TBCK: variants seen among roughly 807,000 people sequenced by gnomAD.
TBCK encodes TBC1 domain containing kinase.
Under a neutral mutation model 113.4 loss-of-function variants are expected in TBCK, and 99 were observed. The ratio of observed to expected loss-of-function variants is 0.87; its 90% CI spans 0.74 to 1.03. The LOEUF is 1.03. Among genes scored for constraint, TBCK ranks in the 50% least tolerant of loss-of-function variants. The pLI is 0.00. For missense variants in TBCK, 1,045 were observed against 1,061.3 expected, an observed-to-expected ratio of 0.98 and a Z score of 0.21; for synonymous variants, 369 against 370.8, an observed-to-expected ratio of 1.00 and a Z score of 0.05.
At chr4:106,233,454 G>A in intron 16 of TBCK, 134 bp downstream of exon 16, 1 of 692,700 alleles carries the variant, frequency 1.4e-6, no homozygotes. Flanking sequence ...TAAGAGTTAT[G>A]GTTTCTCTAA....
intron 25 of TBCK, among the ~76,000 whole-genome samples, chr4:106,088,968 G>T (rs1165276074): frequency 6.6e-6 from 1 of 152,010 alleles, no homozygotes; most frequent in Non-Finnish European, 1.5e-5. Flanking sequence ...GGACAGGTCA[G>T]TAGGTCCAGC....
chr4:106,061,438 C>CTT (rs34326247), intron 25 of TBCK, among the ~76,000 whole-genome samples: 16,758 of 141,998 alleles, frequency 0.12, 1,138 homozygotes, highest in Middle Eastern at 0.29. Context: ...TGTTAGCATA[C>CTT]TTTTTTTTTT....
intron 24 of TBCK, among the ~76,000 whole-genome samples, chr4:106,115,955 A>C (rs1331459136): frequency 2.0e-5 from 3 of 152,226 alleles, no homozygotes; most frequent in Admixed American, 1.3e-4. Context: ...CACCAGAGAA[A>C]CACAAAAAAC....
chr4:106,076,164 G>A (rs1738168958), intron 25 of TBCK, among the ~76,000 whole-genome samples: 1 of 152,192 alleles, frequency 6.6e-6, no homozygotes, highest in Non-Finnish European at 1.5e-5. Flanking sequence ...CAGGTGCTGT[G>A]GGTAGGAAGT....
chr4:106,067,385 T>C (rs1303939423), intron 25 of TBCK, among the ~76,000 whole-genome samples: 7 of 152,160 alleles, frequency 4.6e-5, no homozygotes, highest in African/African-American at 1.4e-4. Flanking sequence ...TTTTTGCATA[T>C]TGATTTTGTA....
chr4:106,211,910 T>C (rs1252643398), intron 20 of TBCK, among the ~76,000 whole-genome samples: 1 of 152,144 alleles, frequency 6.6e-6, no homozygotes, highest in African/African-American at 2.4e-5. Flanking sequence ...TGATATGTAA[T>C]GTGAACATTT....
intron 3 of TBCK, among the ~76,000 whole-genome samples, chr4:106,276,081 G>C (rs1016844355): frequency 1.3e-5 from 2 of 152,166 alleles, no homozygotes; most frequent in Admixed American, 6.5e-5. Flanking sequence ...ATAGAGCAAT[G>C]AAATAATACA....
At chr4:106,204,128 T>C (rs1010697722) in intron 20 of TBCK, among the ~76,000 whole-genome samples, 2 of 152,196 alleles carry the variant, frequency 1.3e-5, no homozygotes, top group East Asian at 1.9e-4. Context: ...TTAACAATTA[T>C]AGTGTGCCTG....
intron 20 of TBCK, among the ~76,000 whole-genome samples, chr4:106,203,179 A>G (rs1349653754): frequency 1.3e-5 from 2 of 151,896 alleles, no homozygotes; most frequent in Admixed American, 6.6e-5. Context: ...TATGAGAGAC[A>G]TATTTGAAAT....
At chr4:106,050,291 C>T (rs1175093219) in intron 25 of TBCK, among the ~76,000 whole-genome samples, 8 of 151,318 alleles carry the variant, frequency 5.3e-5, no homozygotes, top group African/African-American at 1.5e-4. Flanking sequence ...AAATAACAAC[C>T]AGAAAAAAAA....
chr4:106,104,997 C>T (rs973414200), intron 24 of TBCK, among the ~76,000 whole-genome samples: 7 of 152,232 alleles, frequency 4.6e-5, no homozygotes, highest in Non-Finnish European at 8.8e-5. Context: ...GCCACCCCAA[C>T]CAGAGCTATC....
chr4:106,313,636 A>G (rs1474450100), intron 1 of TBCK, among the ~76,000 whole-genome samples: 2 of 152,244 alleles, frequency 1.3e-5, no homozygotes, highest in Non-Finnish European at 2.9e-5. Flanking sequence ...AATGAATATA[A>G]GCCCAGGATA....
chr4:106,093,316 C>T (rs7661499), intron 25 of TBCK, among the ~76,000 whole-genome samples: 42,460 of 152,010 alleles, frequency 0.28, 6,200 homozygotes, highest in Middle Eastern at 0.34. Flanking sequence ...ACCACCCTGT[C>T]TAACATGGTG....
At chr4:106,129,157 A>G (rs1430806853) in intron 23 of TBCK, among the ~76,000 whole-genome samples, 1 of 152,192 alleles carries the variant, frequency 6.6e-6, no homozygotes, top group Non-Finnish European at 1.5e-5. Flanking sequence ...TTTTATTTCA[A>G]TTTCCAGGAT....
chr4:106,147,983 G>A (rs1664151744), intron 23 of TBCK, among the ~76,000 whole-genome samples: 1 of 152,132 alleles, frequency 6.6e-6, no homozygotes, highest in Non-Finnish European at 1.5e-5. Context: ...GGCCCCCCTG[G>A]GCGTGGCCAT....
At position 106,041,868 on chromosome 4, in the gene TBCK, TACTC is replaced by T. The variant is rs1733895260; in HGVS notation, c.*4698_*4701del. 6.6e-6 allele frequency: 1 copy of T among 152,266 alleles called. No individual in the cohort carries two copies. Among genetic ancestry groups the T allele is most frequent in the Admixed American group, 6.5e-5 (1 of 15,292 alleles). The allele number at this position is 152,266 out of a possible 1,614,324, so 9.4% of individuals were successfully genotyped here. A position where few individuals can be genotyped will look rare whatever the true frequency, so the allele number is the denominator to read the frequency against. On this transcript the variant is annotated 3_prime_UTR_variant, in exon 26 of 26. Coordinates refer to ENST00000394708, the MANE Select transcript of TBCK (RefSeq NM_001163435.3). ...TATCATAAGGCATTAACAGGAAAAT[TACTC>T]AGAAAAGATATAAATACATGTGACT...
rs1768250853 is a variant in TBCK, at chr4:106,312,013, C to A, written c.-29-3024G>T. Among the ~76,000 whole-genome samples, 6 of 151,952 alleles carry A rather than the reference C, an allele frequency of 3.9e-5. No individual in the cohort carries two copies. In the South Asian group the frequency reaches 1.2e-3, roughly 31 times the overall value. ...AATATCTTTACAACCTTAGGCTAGG[C>A]AAAGATTTCTTAGACACAATAGAAC... is the stretch of plus-strand genomic sequence containing the variant. On this transcript the variant is annotated intron_variant, in intron 1 of 25. Coordinates refer to ENST00000394708, the MANE Select transcript of TBCK (RefSeq NM_001163435.3).
chr4:106,246,122 T>C (rs901593792), intron 10 of TBCK, among the ~76,000 whole-genome samples: 2 of 152,196 alleles, frequency 1.3e-5, no homozygotes, highest in South Asian at 4.1e-4. Flanking sequence ...TCTTCCTTGA[T>C]GTCCCAGACA....
chr4:106,177,644 T>C (rs904545709), intron 22 of TBCK, among the ~76,000 whole-genome samples: 2 of 151,984 alleles, frequency 1.3e-5, no homozygotes, highest in Non-Finnish European at 2.9e-5. Context: ...TGGCTGTAAA[T>C]GTGTGAATTT....
Sources: allele counts gnomAD v4.1 joint callset (sites outside exome capture counted in the v4.1 genomes callset), GRCh38; gene constraint gnomAD v4.1.1; transcripts MANE v1.5; gene names NCBI Gene and HGNC (gene_info 2026-07-23, HGNC 2026-07-21).